Variants in DLGAP2 observed in about 807,000 individuals in gnomAD.
The protein encoded by DLGAP2 is disks large-associated protein 2.
Under a neutral mutation model 100.3 loss-of-function variants are expected in DLGAP2, and 26 were observed. The observed-to-expected ratio is 0.26, with a 90% confidence interval of 0.19 to 0.36. The LOEUF is 0.36. Ranked by LOEUF, DLGAP2 falls within the 10% of genes least tolerant of loss-of-function variation. DLGAP2 has a pLI of 1.00. For missense variants in DLGAP2, 1,858 were observed against 1,453.2 expected, an observed-to-expected ratio of 1.28 and a Z score of -4.53; for synonymous variants, 886 against 630.1, an observed-to-expected ratio of 1.41 and a Z score of -6.08.
rs200822941 is a variant in DLGAP2 at position 1,661,382 on chromosome 8, G to GGCCA, written c.1811-6945_1811-6942dup. Among the ~76,000 whole-genome samples the GGCCA allele has an allele frequency of 1.1e-3, 172 of 152,280 alleles. 1 individual carries two copies. In the East Asian group the frequency reaches 0.025, roughly 22 times the overall value. ...GGGAGTAACATCACTGTTGACAAAA[G>GGCCA]GCCAGAAGCTGGGTCTAAGTTCTGC... On this transcript the variant is annotated intron_variant, in intron 8 of 14. Coordinates refer to ENST00000637795, the MANE Select transcript of DLGAP2 (RefSeq NM_001346810.2).
Position 1,594,547 on chromosome 8 carries a change from A to T in DLGAP2, c.1442+28653A>T, listed in dbSNP as rs372877354. On this transcript the variant is annotated intron_variant, in intron 6 of 14. Coordinates refer to ENST00000637795, the MANE Select transcript of DLGAP2 (RefSeq NM_001346810.2). ...TCGTTACAAATAATTCAATCAGGAC[A>T]GCAAAAAATAGCAATAAAAAGAGTG... 6.6e-5 allele frequency among the ~76,000 whole-genome samples: 10 copies of T among 152,256 alleles called. No individual in the cohort carries two copies. The South Asian group carries it at 1.7e-3, about 25-fold the overall frequency.
At chr8:1,292,507 C>G (rs1800082152) in intron 3 of DLGAP2, among the ~76,000 whole-genome samples, 1 of 152,198 alleles carries the variant, frequency 6.6e-6, no homozygotes, top group Admixed American at 6.5e-5. Flanking sequence ...TTTCCTTTCT[C>G]TAAAAAATTT....
chr8:1,257,170 C>G (rs562496479), intron 2 of DLGAP2, among the ~76,000 whole-genome samples: 1 of 152,098 alleles, frequency 6.6e-6, no homozygotes, highest in African/African-American at 2.4e-5. Context: ...TTTTAAAGGA[C>G]GATTCATGCT....
At chr8:1,575,491 T>TTA (rs1563231289) in intron 6 of DLGAP2, among the ~76,000 whole-genome samples, 44 of 84,518 alleles carry the variant, frequency 5.2e-4, no homozygotes, top group African/African-American at 1.5e-3. Flanking sequence ...TATTATTATT[T>TTA]AAGTTCTAGG....
chr8:1,136,788 G>A (rs890450772), intron 2 of DLGAP2, among the ~76,000 whole-genome samples: 6 of 152,248 alleles, frequency 3.9e-5, no homozygotes, highest in South Asian at 2.1e-4. Flanking sequence ...TGTTGGTGGT[G>A]CAGGTGCGCC....
At chr8:939,160 G>A (rs1299079489) in intron 2 of DLGAP2, among the ~76,000 whole-genome samples, 19 of 133,248 alleles carry the variant, frequency 1.4e-4, no homozygotes, top group Non-Finnish European at 2.6e-4. Context: ...CACAGGGGCT[G>A]GGGTGCCTGG....
chr8:1,038,127 T>C (rs527908198), intron 2 of DLGAP2, among the ~76,000 whole-genome samples: 1 of 152,338 alleles, frequency 6.6e-6, no homozygotes, highest in South Asian at 2.1e-4. Flanking sequence ...ATACAAGTGT[T>C]CGTCCCTCTG....
intron 3 of DLGAP2, among the ~76,000 whole-genome samples, chr8:1,375,179 C>T (rs1449020886): frequency 3.3e-5 from 3 of 90,174 alleles, no homozygotes; most frequent in Non-Finnish European, 5.9e-5. Context: ...TTTGGGTTAA[C>T]GACCCCTCTC....
intron 1 of DLGAP2, among the ~76,000 whole-genome samples, chr8:893,432 A>T (rs17065443): frequency 0.047 from 7,182 of 152,232 alleles, 258 homozygotes; most frequent in African/African-American, 0.095. Flanking sequence ...TCACATTGCA[A>T]ATCCATTCAA....
chr8:1,516,683 GTGAGTGAC>G (rs1171144725), intron 4 of DLGAP2, among the ~76,000 whole-genome samples: 1 of 151,778 alleles, frequency 6.6e-6, no homozygotes, highest in East Asian at 1.9e-4. Context: ...GAGTGAAAGA[GTGAGTGAC>G]TGAGTGAATG....
At chr8:888,255 A>G (rs1797960896) in intron 1 of DLGAP2, among the ~76,000 whole-genome samples, 1 of 152,134 alleles carries the variant, frequency 6.6e-6, no homozygotes. Flanking sequence ...TCCTTTATAA[A>G]TAGTTATTCT....
Position 1,197,033 on chromosome 8 carries a change from C to T in DLGAP2, c.74-61818C>T, listed in dbSNP as rs958194655. On this transcript the variant is annotated intron_variant, in intron 2 of 14. Transcript: ENST00000637795. ...AATCGGGGTGGGCAATGTCTGTGGT[C>T]AGGAGGAGATGGAGGCCTCGCCCAA... 2.0e-5 allele frequency among the ~76,000 whole-genome samples: 3 copies of T among 152,226 alleles called. No individual in the cohort carries two copies. The East Asian group carries it at 5.8e-4, about 29-fold the overall frequency.
chr8:791,785 C>G lies in DLGAP2; in HGVS notation c.18+53960C>G, dbSNP rs1002104348. On this transcript the variant is annotated intron_variant, in intron 1 of 14. Coordinates refer to ENST00000637795, the MANE Select transcript of DLGAP2 (RefSeq NM_001346810.2). ...CAGAGAGAACCCGTTATGCCTCCCCCTTATTCACTTTTGCTGGTGTTTTCT... is the reference window on the plus strand; with the variant it reads ...CAGAGAGAACCCGTTATGCCTCCCCGTTATTCACTTTTGCTGGTGTTTTCT... Among the ~76,000 whole-genome samples the G allele has an allele frequency of 5.3e-5, 8 of 152,236 alleles. No individual in the cohort carries two copies. The South Asian group carries it at 6.2e-4, about 12-fold the overall frequency.
intron 2 of DLGAP2, among the ~76,000 whole-genome samples, chr8:965,041 T>A (rs929985007): frequency 2.0e-5 from 3 of 147,262 alleles, no homozygotes; most frequent in Non-Finnish European, 3.0e-5. Flanking sequence ...ATGGCACTGT[T>A]CACCACACAG....
At chr8:1,344,178 T>TGTCGTGGGTCCGTGTACTGTGGGCCCC (rs1563095173) in intron 3 of DLGAP2, among the ~76,000 whole-genome samples, 1 of 151,436 alleles carries the variant, frequency 6.6e-6, no homozygotes, top group Non-Finnish European at 1.5e-5. Context: ...CTCGGGGCGC[T>TGTCGTGGGTCCGTGTACTGTGGGCCCC]GTCGTGGGTC....
intron 11 of DLGAP2, among the ~76,000 whole-genome samples, chr8:1,677,668 C>T (rs1353225377): frequency 1.3e-5 from 2 of 152,180 alleles, no homozygotes; most frequent in Admixed American, 6.5e-5. Flanking sequence ...GAAAAGATGA[C>T]ATTAAAATAT....
intron 8 of DLGAP2, among the ~76,000 whole-genome samples, chr8:1,662,545 A>G (rs1465480796): frequency 2.6e-5 from 4 of 152,384 alleles, no homozygotes; most frequent in African/African-American, 9.6e-5. Flanking sequence ...GTCACAAAAA[A>G]GAAAACTAGA....
rs188732944 is a variant in DLGAP2 at position 1,629,067 on chromosome 8, G to A, written c.1590+2180G>A. Among the ~76,000 whole-genome samples, 80 of 152,352 alleles carry A rather than the reference G, an allele frequency of 5.3e-4. 1 individual carries two copies. The highest frequency in any genetic ancestry group is 1.8e-3 in the African/African-American group (74 of 41,582). On this transcript the variant is annotated intron_variant, in intron 7 of 14. Coordinates refer to ENST00000637795, the MANE Select transcript of DLGAP2 (RefSeq NM_001346810.2). Reference sequence around the variant, plus strand: ...AGCCCTCCTGGCTGCAGATCATGCTGTGAGCTCTTGGTAGCTTGCCTGGGG... The same window carrying A: ...AGCCCTCCTGGCTGCAGATCATGCTATGAGCTCTTGGTAGCTTGCCTGGGG...
chr8:1,339,354 G>A (rs1020836272), intron 3 of DLGAP2, among the ~76,000 whole-genome samples: 26 of 151,796 alleles, frequency 1.7e-4, no homozygotes, highest in Admixed American at 1.6e-3. Context: ...GACCCGGGAG[G>A]GAATGCAGTG....
Sources: gnomAD v4.1 joint callset for allele counts (sites outside exome capture counted in the v4.1 genomes callset) on GRCh38, gnomAD v4.1.1 for gene constraint, MANE v1.5 for transcripts, NCBI Gene and HGNC (gene_info 2026-07-23, HGNC 2026-07-21) for gene names.